Variants in XPOT observed in about 807,000 individuals in gnomAD.
XPOT encodes exportin-T.
XPOT carries 34 observed loss-of-function variants against 128.2 expected under a neutral mutation model. The observed-to-expected ratio is 0.27, with a 90% CI of 0.20 to 0.35. The LOEUF is 0.35. Among genes scored for constraint, XPOT ranks in the 10% least tolerant of loss-of-function variants. The pLI, the probability that XPOT is intolerant of heterozygous loss-of-function variation, is 1.00. For synonymous variants in XPOT, 348 were observed against 394.3 expected, an observed-to-expected ratio of 0.88 and a Z score of 1.39; for missense variants, 838 against 1,125.3, an observed-to-expected ratio of 0.74 and a Z score of 3.65.
chr12:64,422,810 G>A (rs929764000), intron 9 of XPOT, among the ~76,000 whole-genome samples, 195 bp from the exon 10 acceptor site: 29 of 151,532 alleles, frequency 1.9e-4, no homozygotes, highest in Non-Finnish European at 7.4e-5. Flanking sequence ...GGGTGAGGTG[G>A]GAGGATCTCT....
intron 15 of XPOT, among the ~76,000 whole-genome samples, chr12:64,427,475 T>C (rs2040202606): frequency 6.6e-6 from 1 of 151,888 alleles, no homozygotes; most frequent in Non-Finnish European, 1.5e-5. Flanking sequence ...CTTAGTTCAA[T>C]AGTAAAAGTT....
Position 64,450,546 on chromosome 12 carries a change from C to G in XPOT, c.*2415C>G, listed in dbSNP as rs2040403402. 6.6e-6 allele frequency: 1 copy of G among 152,184 alleles called. No individual in the cohort carries two copies. The highest frequency in any genetic ancestry group is 6.5e-5 in the Admixed American group (1 of 15,280). 9.4% of individuals were successfully genotyped at this position (152,184 alleles called of 1,614,324 possible). ...ATGTGTTTATAGAGCTAAGAGAAAT[C>G]AGGGCATGGAAATTGAGTGTGTAAT... On this transcript the variant is annotated 3_prime_UTR_variant, in exon 25 of 25. Transcript: ENST00000332707.
chr12:64,438,586 GGTGGTA>G (rs2040300710), intron 22 of XPOT, among the ~76,000 whole-genome samples: 1 of 151,978 alleles, frequency 6.6e-6, no homozygotes, highest in African/African-American at 2.4e-5. Flanking sequence ...AGGAATTCCA[GGTGGTA>G]GTGCAAGGAA....
rs2040229129 is a variant in XPOT, at chr12:64,430,402, T to TGGATTATCCTCC, written c.1976+115_1976+116insGGATTATCCTCC. On this transcript the variant is annotated intron_variant, in intron 17 of 24. Transcript: ENST00000332707. ...CAGTTGGATAATCCAGAGAATTGTCTAAATCTTTGTCCTCCAAATCCAGTC... is the reference window on the plus strand; with the variant it reads ...CAGTTGGATAATCCAGAGAATTGTCTGGATTATCCTCCAAATCTTTGTCCTCCAAATCCAGTC... The TGGATTATCCTCC allele has an allele frequency of 1.0e-5, 9 of 870,796 alleles. No homozygotes were observed. The South Asian group carries it at 1.8e-4, about 17-fold the overall frequency. The allele number at this position is 870,796 out of a possible 1,614,324, so 53.9% of individuals were successfully genotyped here.
At chr12:64,421,501 A>G (rs546983748) in intron 9 of XPOT, 30 bp downstream of exon 9, 29 of 1,459,766 alleles carry the variant, frequency 2.0e-5, no homozygotes, top group East Asian at 4.6e-5. Flanking sequence ...TTTTTGCTCA[A>G]TACATAATAC....
At chr12:64,434,663 C>G (rs376582627) in intron 20 of XPOT, 40 bp downstream of exon 20, 1 of 1,581,488 alleles carries the variant, frequency 6.3e-7, no homozygotes, top group Non-Finnish European at 8.7e-7. Flanking sequence ...TTCCCAAACT[C>G]TTTCATAAAA....
intron 23 of XPOT, among the ~76,000 whole-genome samples, chr12:64,439,959 A>G (rs1051496702): frequency 3.4e-4 from 51 of 152,180 alleles, no homozygotes; most frequent in African/African-American, 1.2e-3. Flanking sequence ...TTTTTATTTT[A>G]TTGTAAGAAC....
At chr12:64,422,978 A>G in intron 9 of XPOT, 27 bp from the exon 10 acceptor site, 1 of 1,608,602 alleles carries the variant, frequency 6.2e-7, no homozygotes, top group Non-Finnish European at 8.5e-7. Flanking sequence ...TAGAAAACCT[A>G]ATAAGTTATT....
intron 2 of XPOT, among the ~76,000 whole-genome samples, chr12:64,411,972 C>G (rs2040042038): frequency 6.6e-6 from 1 of 151,632 alleles, no homozygotes; most frequent in Non-Finnish European, 1.5e-5. Context: ...TGTTTAAAAA[C>G]TAAAAACTTC....
In XPOT at chr12:64,448,062, T is replaced by G. The variant is rs750455469; in HGVS notation, c.2863-43T>G. 4 of 1,581,742 alleles carry G rather than the reference T, an allele frequency of 2.5e-6. No homozygotes were observed. The South Asian group carries it at 4.4e-5, about 18-fold the overall frequency. On this transcript the variant is annotated intron_variant, in intron 24 of 24. Coordinates refer to ENST00000332707, the MANE Select transcript of XPOT (RefSeq NM_007235.6). ...AGCCATTCTTCAGGTGAAAGTGATATCTTCTGACATTAGTATTGATTGCAT... is the reference window on the plus strand; with the variant it reads ...AGCCATTCTTCAGGTGAAAGTGATAGCTTCTGACATTAGTATTGATTGCAT...
chr12:64,442,131 CT>C (rs1196359410), intron 23 of XPOT, among the ~76,000 whole-genome samples: 1 of 150,886 alleles, frequency 6.6e-6, no homozygotes, highest in Non-Finnish European at 1.5e-5. Context: ...TCATCTTTTT[CT>C]TTCTTTTTGA....
At position 64,450,980 on chromosome 12, in the gene XPOT, A is replaced by T. The variant is rs1592346352; in HGVS notation, c.*2849A>T. 2 of 152,364 alleles carry T rather than the reference A, an allele frequency of 1.3e-5. No individual in the cohort carries two copies. The highest frequency in any genetic ancestry group is 2.1e-4 in the South Asian group (1 of 4,826). The allele number at this position is 152,364 out of a possible 1,614,324, so 9.4% of individuals were successfully genotyped here. A position where few individuals can be genotyped will look rare whatever the true frequency, so the allele number is the denominator to read the frequency against. On this transcript the variant is annotated 3_prime_UTR_variant, in exon 25 of 25. Transcript: ENST00000332707. The stretch of plus-strand genomic sequence containing the variant: ...GCTGTGAGTTTTACTGGTGGAAGGA[A>T]CTTTAACAGGTCTTCGCTCTTGTCA...
intron 4 of XPOT, among the ~76,000 whole-genome samples, chr12:64,417,763 G>A (rs982682025): frequency 6.6e-6 from 1 of 152,180 alleles, no homozygotes; most frequent in Non-Finnish European, 1.5e-5. Flanking sequence ...GGTTTATTCT[G>A]TAGATCACAG....
intron 24 of XPOT, 67 bp downstream of exon 24, chr12:64,445,198 C>G: frequency 1.7e-6 from 2 of 1,204,780 alleles, no homozygotes; most frequent in Non-Finnish European, 2.4e-6. Context: ...AGAGAGAATA[C>G]ATACCTGCAA....
chr12:64,426,994 A>T (rs905501869), intron 15 of XPOT, among the ~76,000 whole-genome samples: 1 of 152,070 alleles, frequency 6.6e-6, no homozygotes, highest in Non-Finnish European at 1.5e-5. Context: ...AAAAAAATAA[A>T]ATGAAGATGG....
At chr12:64,424,744 G>C (rs1456539306) in intron 12 of XPOT, 21 bp downstream of exon 12, 1 of 1,611,318 alleles carries the variant, frequency 6.2e-7, no homozygotes, top group South Asian at 1.1e-5. Flanking sequence ...CATTACTTTT[G>C]TAACAAGCCT....
intron 1 of XPOT, among the ~76,000 whole-genome samples, chr12:64,406,733 CAG>C (rs1315909405): frequency 7.9e-5 from 12 of 152,132 alleles, no homozygotes; most frequent in African/African-American, 2.9e-4. Flanking sequence ...ACTTCTCAAT[CAG>C]GGATTCTTAG....
At chr12:64,439,418 A>T in intron 23 of XPOT, 103 bp downstream of exon 23, 3 of 1,065,592 alleles carry the variant, frequency 2.8e-6, no homozygotes, top group Non-Finnish European at 4.2e-6. Flanking sequence ...TTCATATTAC[A>T]TAAGTTGTTG....
intron 23 of XPOT, among the ~76,000 whole-genome samples, chr12:64,440,152 A>G (rs1453449312): frequency 6.6e-6 from 1 of 152,152 alleles, no homozygotes; most frequent in African/African-American, 2.4e-5. Flanking sequence ...CATCTCCTAG[A>G]AACTACCATT....
Sources: allele counts gnomAD v4.1 joint callset (sites outside exome capture counted in the v4.1 genomes callset), GRCh38; gene constraint gnomAD v4.1.1; transcripts MANE v1.5; gene names NCBI Gene and HGNC (gene_info 2026-07-23, HGNC 2026-07-21).